The following RNF220 variants were observed in gnomAD, a reference collection of about 807,000 sequenced individuals.
The protein encoded by RNF220 is E3 ubiquitin-protein ligase RNF220.
A neutral mutation model predicts 67.1 loss-of-function variants in RNF220; 7 were observed. The observed-to-expected ratio is 0.10, with a 90% CI of 0.06 to 0.20. The LOEUF (loss-of-function observed/expected upper bound fraction) is 0.20. Ranked by LOEUF, RNF220 falls within the 10% of genes least tolerant of loss-of-function variation. The probability of loss-of-function intolerance (pLI) is 1.00; values close to 1 mark genes in which losing one functional copy is unlikely to be tolerated. For missense variants in RNF220, 565 were observed against 740.3 expected (o/e 0.76, Z 2.75); for synonymous variants, 270 against 283.2 (o/e 0.95, Z 0.47).
Position 44,622,411 on chromosome 1 carries a change from G to C in RNF220, c.759-331G>C, listed in dbSNP as rs529006918. On this transcript the variant is annotated intron_variant, in intron 3 of 14. Coordinates refer to ENST00000361799, the MANE Select transcript of RNF220 (RefSeq NM_018150.4). The surrounding 1 kb of genome is among the most constrained non-coding windows in gnomAD (Gnocchi z 4.3). ...TGGGAACAGGGGGTGGAGAGAAGGG[G>C]GTCTCCAGGACAGGCAGAATCTTCA... Among the ~76,000 whole-genome samples the C allele has an allele frequency of 2.9e-3, 444 of 152,288 alleles. 2 individuals carry two copies. Among genetic ancestry groups the C allele is most frequent in the African/African-American group, 0.01 (417 of 41,552 alleles).
At chr1:44,405,025 T>C (rs570938365), upstream of RNF220, among the ~76,000 whole-genome samples, 5 of 152,148 alleles carry the variant, frequency 3.3e-5, no homozygotes, top group Admixed American at 6.5e-5. Flanking sequence ...ACGCTCTCTT[T>C]AGTTCACAAT....
chr1:44,647,312 A>G (rs1644680236), intron 12 of RNF220, among the ~76,000 whole-genome samples: 1 of 152,150 alleles, frequency 6.6e-6, no homozygotes, highest in African/African-American at 2.4e-5. Flanking sequence ...CTTGGAGTGG[A>G]AGGGAGCACA....
At chr1:44,626,458 G>T (rs901410291) in intron 5 of RNF220, 60 bp downstream of exon 5, 6 of 1,340,848 alleles carry the variant, frequency 4.5e-6, no homozygotes, top group Non-Finnish European at 6.4e-6. Context: ...GGCTTCAAGA[G>T]CCTGCCCGGT....
intron 2 of RNF220, among the ~76,000 whole-genome samples, chr1:44,422,105 T>G (rs1649287849): frequency 6.6e-6 from 1 of 152,164 alleles, no homozygotes; most frequent in Admixed American, 6.5e-5. Context: ...CACAAAGGTG[T>G]GTACTAGGTA....
intron 2 of RNF220, among the ~76,000 whole-genome samples, chr1:44,448,200 G>A (rs1652299047): frequency 6.6e-6 from 1 of 152,208 alleles, no homozygotes. Context: ...TTGGGAGGCC[G>A]AGGCACGAGA....
chr1:44,445,064 C>A (rs1032414167), intron 2 of RNF220, among the ~76,000 whole-genome samples: 1 of 152,148 alleles, frequency 6.6e-6, no homozygotes, highest in Non-Finnish European at 1.5e-5. Context: ...AATCATCTTT[C>A]TGGATATATA....
At chr1:44,638,409 TGAGCAGGC>T (rs1363778073) in intron 8 of RNF220, 1 of 152,298 alleles carries the variant, frequency 6.6e-6, no homozygotes, top group Non-Finnish European at 1.5e-5. Flanking sequence ...AGAGGCAGGA[TGAGCAGGC>T]GAGTGGCGAG....
intron 7 of RNF220, 188 bp downstream of exon 7, chr1:44,635,776 GCTTCTTCC>G: frequency 7.2e-7 from 1 of 1,396,442 alleles, no homozygotes; most frequent in Non-Finnish European, 9.5e-7. Flanking sequence ...GGTCTCAGCA[GCTTCTTCC>G]CTTCTGACCA....
At chr1:44,637,977 C>T (rs1052695837) in intron 8 of RNF220, among the ~76,000 whole-genome samples, 6 of 152,192 alleles carry the variant, frequency 3.9e-5, no homozygotes, top group East Asian at 1.9e-4. Flanking sequence ...TGTTTTACAG[C>T]GAGATCAGCG....
At chr1:44,637,629 A>T (rs1349724892) in intron 8 of RNF220, among the ~76,000 whole-genome samples, 1 of 152,218 alleles carries the variant, frequency 6.6e-6, no homozygotes, top group African/African-American at 2.4e-5. Context: ...CTTATGGAGG[A>T]TAAAGCTGCA....
chr1:44,649,336 G>A lies in RNF220; in HGVS notation c.1446-325G>A. 2.6e-6 allele frequency: 1 copy of A among 383,656 alleles called. No homozygotes were observed. The highest frequency in any genetic ancestry group is 4.8e-6 in the Non-Finnish European group (1 of 207,544). The allele number at this position is 383,656 out of a possible 1,614,324, so 23.8% of individuals were successfully genotyped here. A position where few individuals can be genotyped will look rare whatever the true frequency, so the allele number is the denominator to read the frequency against. ...TTGGTGGAAGACATCTGAGAGCCTGGACTCATGGTGGTGAGGAGAGATGCC... is the reference window on the plus strand; with the variant it reads ...TTGGTGGAAGACATCTGAGAGCCTGAACTCATGGTGGTGAGGAGAGATGCC... On this transcript the variant is annotated intron_variant, in intron 12 of 14. Transcript: ENST00000361799. This position sits in a 1 kb window ranked among gnomAD's most constrained non-coding sequence, Gnocchi z 5.9.
At chr1:44,511,163 A>G (rs1658960053) in intron 2 of RNF220, among the ~76,000 whole-genome samples, 1 of 152,204 alleles carries the variant, frequency 6.6e-6, no homozygotes, top group African/African-American at 2.4e-5. Context: ...ACTAAAGACT[A>G]CAGCCAATTC....
At chr1:44,532,480 G>A (rs1435501276) in intron 2 of RNF220, among the ~76,000 whole-genome samples, 4 of 152,144 alleles carry the variant, frequency 2.6e-5, no homozygotes, top group South Asian at 2.1e-4. Context: ...CTTTTATCAC[G>A]TGGTTTATTC....
At chr1:44,554,500 A>C (rs1179084413) in intron 2 of RNF220, among the ~76,000 whole-genome samples, 2 of 152,104 alleles carry the variant, frequency 1.3e-5, no homozygotes, top group East Asian at 1.9e-4. Context: ...ATACTCAATA[A>C]AGCTCTCTGT....
chr1:44,549,180 CTCTG>C (rs769443139), intron 2 of RNF220, among the ~76,000 whole-genome samples: 1 of 152,198 alleles, frequency 6.6e-6, no homozygotes, highest in Non-Finnish European at 1.5e-5. Flanking sequence ...GAGTGAGAGA[CTCTG>C]TCTCGGGAAA....
intron 2 of RNF220, among the ~76,000 whole-genome samples, chr1:44,450,694 C>T (rs927402441): frequency 1.3e-5 from 2 of 152,092 alleles, no homozygotes; most frequent in Admixed American, 6.5e-5. Context: ...TTGGAACTAC[C>T]ACAATTTATT....
chr1:44,606,191 A>G lies in RNF220; in HGVS notation c.626-7974A>G, dbSNP rs1247406560. On this transcript the variant is annotated intron_variant, in intron 2 of 14. Transcript: ENST00000361799. This position sits in a 1 kb window ranked among gnomAD's most constrained non-coding sequence, Gnocchi z 4.2. ...TTGACGTATTAATAAAACCAGCCGC[A>G]TTGCTCTGGCCCGGAGACTGGGGAA... Among the ~76,000 whole-genome samples, 2 of 152,258 alleles carry G rather than the reference A, an allele frequency of 1.3e-5. No homozygotes were observed. Among genetic ancestry groups the G allele is most frequent in the Non-Finnish European group, 2.9e-5 (2 of 68,048 alleles).
intron 2 of RNF220, among the ~76,000 whole-genome samples, chr1:44,485,680 T>G (rs1288964194): frequency 6.6e-6 from 1 of 152,202 alleles, no homozygotes; most frequent in East Asian, 1.9e-4. Context: ...CTAATCTCAG[T>G]CGCTTCTGTG....
intron 2 of RNF220, among the ~76,000 whole-genome samples, chr1:44,484,902 G>A (rs1052718068): frequency 3.3e-5 from 5 of 152,270 alleles, no homozygotes; most frequent in South Asian, 2.1e-4. Context: ...CCAGCACTTC[G>A]GGAGGCCAAG....
Sources: allele counts gnomAD v4.1 joint callset (sites outside exome capture counted in the v4.1 genomes callset), GRCh38; gene constraint gnomAD v4.1.1; non-coding constraint Gnocchi (gnomAD v3.1); transcripts MANE v1.5; gene names NCBI Gene and HGNC (gene_info 2026-07-23, HGNC 2026-07-21).